NLGN1: variants seen among roughly 807,000 people sequenced by gnomAD.
The protein encoded by NLGN1 is neuroligin 1.
Under a neutral mutation model 65.5 loss-of-function variants are expected in NLGN1, and 12 were observed. The observed-to-expected ratio is 0.18, with a 90% CI of 0.12 to 0.30. The LOEUF is 0.30. Among genes scored for constraint, NLGN1 ranks in the 10% least tolerant of loss-of-function variants. The pLI is 1.00. For missense variants in NLGN1, 750 were observed against 1,007.1 expected (o/e 0.74, Z 3.46); for synonymous variants, 350 against 359.5 (o/e 0.97, Z 0.30).
At chr3:173,756,541 G>T (rs1777149934) in intron 3 of NLGN1, among the ~76,000 whole-genome samples, 1 of 151,824 alleles carries the variant, frequency 6.6e-6, no homozygotes, top group African/African-American at 2.4e-5. Context: ...GTGTGTAAAT[G>T]TATATATTCC....
chr3:173,476,740 G>T (rs1363828463), intron 2 of NLGN1, among the ~76,000 whole-genome samples: 1 of 152,174 alleles, frequency 6.6e-6, no homozygotes, highest in African/African-American at 2.4e-5. Context: ...AAGGGTAAGT[G>T]GGTGGGTCTT....
chr3:173,925,599 T>C (rs1364043785), intron 4 of NLGN1, among the ~76,000 whole-genome samples: 1 of 152,150 alleles, frequency 6.6e-6, no homozygotes, highest in Non-Finnish European at 1.5e-5. Flanking sequence ...ATCCAATTGC[T>C]GGGTGTGGAA....
chr3:173,587,028 G>C (rs1747568393), intron 2 of NLGN1, among the ~76,000 whole-genome samples: 1 of 152,186 alleles, frequency 6.6e-6, no homozygotes, highest in Admixed American at 6.5e-5. Context: ...AGCTAATAGA[G>C]AATATGGCTG....
chr3:173,444,249 T>C (rs1719745243), intron 2 of NLGN1, among the ~76,000 whole-genome samples: 1 of 152,246 alleles, frequency 6.6e-6, no homozygotes, highest in Non-Finnish European at 1.5e-5. Flanking sequence ...TATTTGATAT[T>C]ATGTTTTATG....
At chr3:173,584,661 T>G (rs13083354) in intron 2 of NLGN1, 2 of 151,892 alleles carry the variant, frequency 1.3e-5, no homozygotes, top group African/African-American at 2.4e-5. Context: ...TTGTATTTCT[T>G]GCCTGATGGT....
chr3:173,632,849 G>GTTTTTTTTTTTTTTTTTTTTTTTT (rs5854526), intron 3 of NLGN1, among the ~76,000 whole-genome samples: 9 of 116,426 alleles, frequency 7.7e-5, no homozygotes, highest in Admixed American at 2.8e-4. Flanking sequence ...TTTTTTTTTT[G>GTTTTTTTTTTTTTTTTTTTTTTTT]TTTTTTTTTT....
At chr3:174,245,441 A>G (rs1743617687) in intron 4 of NLGN1, among the ~76,000 whole-genome samples, 1 of 152,170 alleles carries the variant, frequency 6.6e-6, no homozygotes, top group Non-Finnish European at 1.5e-5. Flanking sequence ...TTTTACCGAT[A>G]GCTATTTAAC....
chr3:173,500,324 C>G (rs951042661), intron 2 of NLGN1, among the ~76,000 whole-genome samples: 2 of 152,150 alleles, frequency 1.3e-5, no homozygotes, highest in South Asian at 2.1e-4. Flanking sequence ...TGGTTTTTGT[C>G]TTTGGTTCTG....
chr3:173,511,708 T>G (rs1284914896), intron 2 of NLGN1, among the ~76,000 whole-genome samples: 1 of 152,138 alleles, frequency 6.6e-6, no homozygotes, highest in African/African-American at 2.4e-5. Context: ...AAGTTTTTAT[T>G]GTCATATCCT....
At chr3:174,094,264 A>G (rs1408319551) in intron 4 of NLGN1, among the ~76,000 whole-genome samples, 1 of 152,224 alleles carries the variant, frequency 6.6e-6, no homozygotes, top group Admixed American at 6.5e-5. Flanking sequence ...ACATAAGTGA[A>G]AAAATAATTT....
chr3:173,977,313 T>C (rs1220106806), intron 4 of NLGN1, among the ~76,000 whole-genome samples: 1 of 151,572 alleles, frequency 6.6e-6, no homozygotes. Flanking sequence ...GGGAAACATG[T>C]CTTAAATGGG....
intron 3 of NLGN1, among the ~76,000 whole-genome samples, chr3:173,656,939 C>G (rs1000700626): frequency 3.3e-5 from 5 of 151,990 alleles, no homozygotes; most frequent in Admixed American, 2.6e-4. Flanking sequence ...TCTTCCTCAT[C>G]TCAAAGACGA....
intron 3 of NLGN1, among the ~76,000 whole-genome samples, chr3:173,748,313 G>C (rs1021207089): frequency 6.6e-6 from 1 of 152,014 alleles, no homozygotes; most frequent in Non-Finnish European, 1.5e-5. Context: ...GTTTGTACAG[G>C]CAGAACATTA....
intron 1 of NLGN1, among the ~76,000 whole-genome samples, chr3:173,406,528 G>C (rs187946196): frequency 4.4e-4 from 64 of 145,944 alleles, no homozygotes; most frequent in African/African-American, 1.4e-3. Context: ...TATATGAATA[G>C]ATATATATAT....
At chr3:173,556,521 AC>A (rs1432494130) in intron 2 of NLGN1, among the ~76,000 whole-genome samples, 1 of 152,090 alleles carries the variant, frequency 6.6e-6, no homozygotes, top group African/African-American at 2.4e-5. Context: ...TTATTTAAAG[AC>A]TTTTATTTTT....
At chr3:174,145,575 A>G (rs1374318118) in intron 4 of NLGN1, among the ~76,000 whole-genome samples, 1 of 152,156 alleles carries the variant, frequency 6.6e-6, no homozygotes, top group African/African-American at 2.4e-5. Context: ...AAGGCATTGA[A>G]AAACATATAT....
chr3:174,245,554 C>A (rs1743637232), intron 4 of NLGN1, among the ~76,000 whole-genome samples: 1 of 152,016 alleles, frequency 6.6e-6, no homozygotes, highest in Non-Finnish European at 1.5e-5. Flanking sequence ...GAATTAAAAA[C>A]CATGAAGAAA....
chr3:173,995,732 G>A (rs1269530215), intron 4 of NLGN1, among the ~76,000 whole-genome samples: 4 of 149,950 alleles, frequency 2.7e-5, no homozygotes, highest in Non-Finnish European at 5.9e-5. Context: ...TGTTGCCCAG[G>A]CTGGAGTACA....
chr3:174,245,217 A>AT (rs1743577775), intron 4 of NLGN1, among the ~76,000 whole-genome samples: 1 of 151,946 alleles, frequency 6.6e-6, no homozygotes, highest in South Asian at 2.1e-4. Context: ...TAGCACTCAT[A>AT]TTTTTTTTAA....
Sources: allele counts gnomAD v4.1 joint callset (sites outside exome capture counted in the v4.1 genomes callset), GRCh38; gene constraint gnomAD v4.1.1; transcripts MANE v1.5; gene names NCBI Gene and HGNC (gene_info 2026-07-23, HGNC 2026-07-21).